ZNF44: variants seen among roughly 807,000 people sequenced by gnomAD.
The protein encoded by ZNF44 is zinc finger protein 44.
In ZNF44, 9 loss-of-function variants were observed where a neutral mutation model predicts 11.7. The observed-to-expected ratio is 0.77, with a 90% CI of 0.46 to 1.35. ZNF44 has a LOEUF of 1.35. ZNF44 is among the 40% of genes most tolerant of loss of function. The probability of loss-of-function intolerance (pLI) is 0.00; values close to 1 mark genes in which losing one functional copy is unlikely to be tolerated. For synonymous variants in ZNF44, 224 were observed against 242.7 expected, an observed-to-expected ratio of 0.92 and a Z score of 0.72; for missense variants, 696 against 743.1, an observed-to-expected ratio of 0.94 and a Z score of 0.74.
At chr19:12,260,619 A>G in intron 5 of ZNF44, 1 of 618,596 alleles carries the variant, frequency 1.6e-6, no homozygotes, top group South Asian at 2.0e-5. Context: ...AAAAACAAAA[A>G]CAAAAAAACA....
chr19:12,272,386 G>A lies in ZNF44; in HGVS notation c.*21C>T. On this transcript the variant is annotated 3_prime_UTR_variant, in exon 4 of 4. Transcript: ENST00000355684. ...TCTGAATGTGATAAAACCAATGAAT[G>A]CTTTCCCACATTCCATACACTTATA... 1 of 1,502,236 alleles carries A rather than the reference G, an allele frequency of 6.7e-7. No individual in the cohort carries two copies. Among genetic ancestry groups the A allele is most frequent in the East Asian group, 2.3e-5 (1 of 43,532 alleles). The allele number at this position is 1,502,236 out of a possible 1,614,324, so 93.1% of individuals were successfully genotyped here.
downstream of ZNF44, among the ~76,000 whole-genome samples, chr19:12,246,304 C>A (rs1392624141): frequency 2.0e-5 from 3 of 152,164 alleles, no homozygotes; most frequent in Non-Finnish European, 4.4e-5. Flanking sequence ...TCATCCATAT[C>A]TTGGCCAGAA....
intron 5 of ZNF44, chr19:12,250,867 T>C: frequency 2.2e-6 from 1 of 455,722 alleles, no homozygotes; most frequent in South Asian, 1.6e-5. Flanking sequence ...CCTGACCATA[T>C]TGTCCTGAGG....
chr19:12,257,624 A>AAAAATATAAAAATT (rs1917313972), intron 5 of ZNF44, among the ~76,000 whole-genome samples: 1 of 151,690 alleles, frequency 6.6e-6, no homozygotes, highest in Non-Finnish European at 1.5e-5. Context: ...CGTCTCTACT[A>AAAAATATAAAAATT]AAAATATAAA....
At chr19:12,259,637 T>C (rs1917412119) in intron 5 of ZNF44, among the ~76,000 whole-genome samples, 2 of 152,126 alleles carry the variant, frequency 1.3e-5, no homozygotes, top group African/African-American at 2.4e-5. Flanking sequence ...ATATTTTTTT[T>C]CCCCACCAGA....
Position 12,294,686 on chromosome 19 carries a change from ACT to A in ZNF44, c.3+4_3+5del. 6.4e-7 allele frequency: 1 copy of A among 1,561,732 alleles called. No individual in the cohort carries two copies. The highest frequency in any genetic ancestry group is 8.7e-7 in the Non-Finnish European group (1 of 1,154,056). ...TGCCTCAGGACGCCGGGCCCCGCAC[ACT>A]CACCATTTCCCGGCTGTGCGGTGTC... On this transcript the variant is annotated splice_donor_5th_base_variant and intron_variant, in intron 1 of 3. Transcript: ENST00000355684.
downstream of ZNF44, among the ~76,000 whole-genome samples, chr19:12,244,399 A>G (rs550139133): frequency 1.3e-5 from 2 of 152,332 alleles, no homozygotes; most frequent in South Asian, 4.1e-4. Context: ...GGCTTTGATT[A>G]GCCTTTATCA....
rs889425393 is a variant in ZNF44, at chr19:12,294,832, C to T, written c.-138G>A. 4 of 984,096 alleles carry T rather than the reference C, an allele frequency of 4.1e-6. No individual in the cohort carries two copies. In the African/African-American group the frequency reaches 5.3e-5, roughly 13 times the overall value. 61.0% of individuals were successfully genotyped at this position (984,096 alleles called of 1,614,324 possible). ...AACAGAGGTCACCAGGGTGAAGAGGCCACTAGCTCCTGGAACGTCACACCC... is the reference window on the plus strand; with the variant it reads ...AACAGAGGTCACCAGGGTGAAGAGGTCACTAGCTCCTGGAACGTCACACCC... On this transcript the variant is annotated 5_prime_UTR_variant, in exon 1 of 4. Coordinates refer to ENST00000355684, the MANE Select transcript of ZNF44 (RefSeq NM_016264.4).
chr19:12,269,048 G>A (rs1239606022), downstream of ZNF44, among the ~76,000 whole-genome samples: 1 of 151,852 alleles, frequency 6.6e-6, no homozygotes, highest in Non-Finnish European at 1.5e-5. Context: ...CTGGGCCCCT[G>A]GCTATGAGAA....
At chr19:12,243,599 T>C (rs139000764), downstream of ZNF44, among the ~76,000 whole-genome samples, 12 of 152,354 alleles carry the variant, frequency 7.9e-5, 2 homozygotes, top group African/African-American at 2.9e-4. Context: ...ATGTTGACTA[T>C]TGTGAATAAT....
intron 5 of ZNF44, among the ~76,000 whole-genome samples, chr19:12,252,804 C>A (rs1035084223): frequency 6.7e-6 from 1 of 150,222 alleles, no homozygotes; most frequent in Non-Finnish European, 1.5e-5. Context: ...GAGTCAAACA[C>A]TGAAGTCACA....
At chr19:12,244,292 C>T (rs1005132463), downstream of ZNF44, among the ~76,000 whole-genome samples, 2 of 152,216 alleles carry the variant, frequency 1.3e-5, no homozygotes, top group African/African-American at 4.8e-5. Context: ...GCATAAGCCA[C>T]GGCACCTGGC....
At chr19:12,280,203 A>C (rs2145743050) in intron 1 of ZNF44, among the ~76,000 whole-genome samples, 1 of 152,230 alleles carries the variant, frequency 6.6e-6, no homozygotes, top group South Asian at 2.1e-4. Context: ...TGGGAAACAG[A>C]GTGAGATTCT....
intron 1 of ZNF44, among the ~76,000 whole-genome samples, chr19:12,287,034 C>T (rs1197559932): frequency 1.5e-5 from 2 of 136,352 alleles, no homozygotes; most frequent in Non-Finnish European, 1.5e-5. Context: ...TATATATACA[C>T]ACACACACAC....
At position 12,272,703 on chromosome 19, in the gene ZNF44, A is replaced by G; in HGVS notation, c.1552T>C (p.Tyr518His). ...TGAGTCCTTTCATGAGTTTTTAAGT[A>G]ACTGAAACGACTGAAGGCTTTGCCA... The part of the protein sequence containing the change: ...ICGKAFSRFS[Y>H]LKTHERTHTA... The change falls in exon 4 of 4, where the codon TAC (tyrosine) becomes CAC (histidine). Residue 518 changes from tyrosine to histidine, a missense_variant. Tyr to His is a moderately conservative substitution (Grantham distance 83, BLOSUM62 2). Coordinates refer to ENST00000355684, the MANE Select transcript of ZNF44 (RefSeq NM_016264.4). 6.2e-7 allele frequency: 1 copy of G among 1,613,684 alleles called. No individual in the cohort carries two copies. The highest frequency in any genetic ancestry group is 8.5e-7 in the Non-Finnish European group (1 of 1,179,670).
intron 1 of ZNF44, among the ~76,000 whole-genome samples, chr19:12,236,609 C>T (rs189652248): frequency 6.6e-6 from 1 of 152,310 alleles, no homozygotes; most frequent in East Asian, 1.9e-4. Context: ...ATTTCACTGA[C>T]CTGTACTGAT....
Position 12,273,613 on chromosome 19 carries a change from C to T in ZNF44, c.642G>A (p.Met214Ile). The T allele has an allele frequency of 6.2e-7, 1 of 1,614,022 alleles. No homozygotes were observed. The highest frequency in any genetic ancestry group is 8.5e-7 in the Non-Finnish European group (1 of 1,179,978). Residue 214 changes from methionine to isoleucine, a missense_variant, in exon 4 of 4, where the codon ATG (methionine) becomes ATA (isoleucine). Physicochemically the swap from Met to Ile is conservative, Grantham distance 10. Transcript: ENST00000355684. ...TCTCTCCAGTGTGAGTTCTTTCATG[C>T]ATACGTAATAAACTGGGCCAAAAAA... ...KAFFWPSLLR[M>I]HERTHTGEKP...
exon 8 of ZNF44, chr19:12,248,135 C>T: frequency 3.1e-6 from 4 of 1,303,940 alleles, no homozygotes; most frequent in Non-Finnish European, 4.0e-6. Flanking sequence ...CAGTGTGATT[C>T]CTTTCATGTG....
intron 1 of ZNF44, among the ~76,000 whole-genome samples, chr19:12,289,563 A>C (rs1967913133): frequency 6.8e-6 from 1 of 147,562 alleles, no homozygotes; most frequent in South Asian, 2.1e-4. Flanking sequence ...ACAACTTTCC[A>C]CCTAAGCTTT....
Sources: gnomAD v4.1 joint callset for allele counts (sites outside exome capture counted in the v4.1 genomes callset) on GRCh38, gnomAD v4.1.1 for gene constraint, MANE v1.5 for transcripts, NCBI Gene and HGNC (gene_info 2026-07-23, HGNC 2026-07-21) for gene names.